The following PCDH15 variants were observed in gnomAD, a reference collection of about 807,000 sequenced individuals.
PCDH15 encodes protocadherin-15.
PCDH15 carries 129 observed loss-of-function variants against 178.5 expected under a neutral mutation model. The ratio of observed to expected loss-of-function variants is 0.72; its 90% CI spans 0.63 to 0.84. The LOEUF is 0.84. PCDH15 is among the 40% of genes least tolerant of loss of function. The probability of loss-of-function intolerance (pLI) is 0.00; values close to 1 mark genes in which losing one functional copy is unlikely to be tolerated. For missense variants in PCDH15, 2,230 were observed against 2,099.9 expected, an observed-to-expected ratio of 1.06 and a Z score of -1.21; for synonymous variants, 800 against 732.0, an observed-to-expected ratio of 1.09 and a Z score of -1.50.
At chr10:54,989,626 C>CTCCCATTTGAAATGGCTGTATTT (rs1346349715) in intron 2 of PCDH15, among the ~76,000 whole-genome samples, 2 of 152,202 alleles carry the variant, frequency 1.3e-5, no homozygotes, top group East Asian at 3.8e-4. Context: ...TGGCCAACTT[C>CTCCCATTTGAAATGGCTGTATTT]TCCCATTTGA....
rs57729172 is a variant in PCDH15, at chr10:54,242,130, TTA to T, written c.877-5201_877-5200del. On this transcript the variant is annotated intron_variant, in intron 8 of 37. Transcript: ENST00000644397. Reference sequence around the variant, plus strand: ...TGAACTTTTGGTCTGAATTCTATTTTTATATATATATATATATATATATATAT... The same window carrying T: ...TGAACTTTTGGTCTGAATTCTATTTTTATATATATATATATATATATATAT... 7.9e-3 allele frequency among the ~76,000 whole-genome samples: 251 copies of T among 31,628 alleles called. 2 individuals are homozygous for T. The highest frequency in any genetic ancestry group is 0.01 in the Non-Finnish European group (192 of 18,624). The allele number at this position is 31,628 out of a possible 152,430, so 20.7% of individuals were successfully genotyped here.
At chr10:54,730,815 G>A (rs1182086292) in intron 1 of PCDH15, among the ~76,000 whole-genome samples, 1 of 151,298 alleles carries the variant, frequency 6.6e-6, no homozygotes, top group Admixed American at 6.6e-5. Flanking sequence ...AGAAAATATT[G>A]AAAAAATACT....
intron 2 of PCDH15, among the ~76,000 whole-genome samples, chr10:55,012,363 A>G (rs1041569924): frequency 1.3e-5 from 2 of 152,162 alleles, no homozygotes; most frequent in African/African-American, 4.8e-5. Flanking sequence ...TTTAAAAATT[A>G]GATATTTTGA....
intron 2 of PCDH15, among the ~76,000 whole-genome samples, chr10:55,440,736 C>T (rs183891239): frequency 5.0e-4 from 76 of 152,228 alleles, no homozygotes; most frequent in African/African-American, 1.7e-3. Context: ...TCCGTTTTCA[C>T]ACTGCTGATA....
rs553876352 is a variant in PCDH15 at position 53,982,748 on chromosome 10, C to T, written c.2868+12901G>A. 1.3e-3 allele frequency among the ~76,000 whole-genome samples: 201 copies of T among 151,258 alleles called. 1 individual carries two copies. The highest frequency in any genetic ancestry group is 2.4e-3 in the Non-Finnish European group (160 of 67,842). On this transcript the variant is annotated intron_variant, in intron 21 of 37. Transcript: ENST00000644397. ...TGACGAGTTAATGGGTGCAGCACACCAGCATGGCACATGTATACATATGTA... is the reference window on the plus strand; with the variant it reads ...TGACGAGTTAATGGGTGCAGCACACTAGCATGGCACATGTATACATATGTA...
At chr10:55,462,225 C>T (rs576634160) in intron 2 of PCDH15, among the ~76,000 whole-genome samples, 4 of 152,138 alleles carry the variant, frequency 2.6e-5, no homozygotes, top group Admixed American at 1.3e-4. Context: ...ATGTTCATGT[C>T]GTTACGATGT....
chr10:54,145,524 A>G (rs904576621), intron 14 of PCDH15, among the ~76,000 whole-genome samples: 1 of 152,136 alleles, frequency 6.6e-6, no homozygotes, highest in Admixed American at 6.6e-5. Context: ...AGAAATCTAC[A>G]AGAGCAAAAA....
At chr10:54,640,216 C>G (rs2093958334) in intron 2 of PCDH15, among the ~76,000 whole-genome samples, 1 of 151,504 alleles carries the variant, frequency 6.6e-6, no homozygotes, top group Admixed American at 6.6e-5. Context: ...CATATTTAAA[C>G]ATAATTTCTT....
chr10:53,857,703 A>G (rs945134895), intron 27 of PCDH15, among the ~76,000 whole-genome samples: 1 of 152,090 alleles, frequency 6.6e-6, no homozygotes, highest in Non-Finnish European at 1.5e-5. Flanking sequence ...AATTCATTCT[A>G]TGAGGTCATC....
intron 5 of PCDH15, among the ~76,000 whole-genome samples, chr10:54,366,536 A>C (rs1307454778): frequency 6.6e-6 from 1 of 152,038 alleles, no homozygotes; most frequent in Non-Finnish European, 1.5e-5. Flanking sequence ...GTATCTTCCT[A>C]ATACATAATT....
intron 3 of PCDH15, among the ~76,000 whole-genome samples, chr10:54,440,586 T>C (rs906333178): frequency 6.6e-6 from 1 of 151,978 alleles, no homozygotes; most frequent in African/African-American, 2.4e-5. Flanking sequence ...GCATTGAACA[T>C]TTAATTTAAA....
intron 2 of PCDH15, among the ~76,000 whole-genome samples, chr10:55,128,928 G>T (rs945869539): frequency 4.6e-5 from 7 of 152,056 alleles, no homozygotes; most frequent in Non-Finnish European, 7.4e-5. Context: ...GAACTCCTGG[G>T]TCAGGAAGAA....
chr10:55,487,883 T>C (rs1840329750), intron 2 of PCDH15, among the ~76,000 whole-genome samples: 1 of 151,622 alleles, frequency 6.6e-6, no homozygotes, highest in South Asian at 2.1e-4. Context: ...TAATTAAGCC[T>C]ATACTCAAGT....
chr10:54,699,971 T>C (rs2095286546), intron 1 of PCDH15, among the ~76,000 whole-genome samples: 1 of 152,092 alleles, frequency 6.6e-6, no homozygotes, highest in Admixed American at 6.6e-5. Context: ...AAATCTATTT[T>C]ACAAATGATG....
intron 2 of PCDH15, among the ~76,000 whole-genome samples, chr10:55,546,454 T>C (rs1048177995): frequency 6.6e-6 from 1 of 152,168 alleles, no homozygotes; most frequent in African/African-American, 2.4e-5. Flanking sequence ...TTATTAACTT[T>C]ATTATAAATT....
intron 1 of PCDH15, among the ~76,000 whole-genome samples, chr10:55,200,549 A>T (rs1292295372): frequency 6.6e-6 from 1 of 151,942 alleles, no homozygotes; most frequent in Non-Finnish European, 1.5e-5. Context: ...ACGAGTTAAG[A>T]CTCTGGGGGA....
intron 14 of PCDH15, among the ~76,000 whole-genome samples, chr10:54,136,761 G>C (rs2133113249): frequency 6.6e-6 from 1 of 152,220 alleles, no homozygotes; most frequent in South Asian, 2.1e-4. Flanking sequence ...ACAAAACACA[G>C]AGACAAATTT....
intron 3 of PCDH15, among the ~76,000 whole-genome samples, chr10:54,469,755 G>A (rs7093119): frequency 0.016 from 2,387 of 152,184 alleles, 63 homozygotes; most frequent in African/African-American, 0.055. Context: ...TGGGTCCTCT[G>A]GCTCCAAGGC....
chr10:54,634,296 G>A (rs2134758854), intron 2 of PCDH15, among the ~76,000 whole-genome samples: 1 of 152,124 alleles, frequency 6.6e-6, no homozygotes, highest in East Asian at 1.9e-4. Flanking sequence ...ATATTGCACT[G>A]CTTTCTATAC....
Sources: gnomAD v4.1 joint callset for allele counts (sites outside exome capture counted in the v4.1 genomes callset) on GRCh38, gnomAD v4.1.1 for gene constraint, MANE v1.5 for transcripts, NCBI Gene and HGNC (gene_info 2026-07-23, HGNC 2026-07-21) for gene names.